The following DNAH17 variants were observed in gnomAD, a reference collection of about 807,000 sequenced individuals.
The protein encoded by DNAH17 is dynein axonemal heavy chain 17, also known as axonemal beta dynein heavy chain 17.
Under a neutral mutation model 485.6 loss-of-function variants are expected in DNAH17, and 376 were observed. The ratio of observed to expected loss-of-function variants is 0.77; its 90% confidence interval spans 0.71 to 0.84. The LOEUF (loss-of-function observed/expected upper bound fraction) is 0.84. Ranked by LOEUF, DNAH17 falls within the 40% of genes least tolerant of loss-of-function variation. The probability of loss-of-function intolerance (pLI) is 0.00; values close to 1 mark genes in which losing one functional copy is unlikely to be tolerated. For missense variants in DNAH17, 6,370 were observed against 5,839.3 expected (o/e 1.09, Z -2.96); for synonymous variants, 3,031 against 2,405.9 (o/e 1.26, Z -7.60).
Position 78,514,826 on chromosome 17 carries a change from T to C in DNAH17, c.4061A>G (p.Gln1354Arg), listed in dbSNP as rs760713712. The change falls in exon 26 of 81, where the codon CAG becomes CGG. Residue 1354 changes from glutamine to arginine, a missense_variant. Transcript: ENST00000389840. ...GTGGCGTTCCCGAATGGCAGGGTTC[T>C]GCAGCTCGCTCACGGCACGCAGGGA... is the stretch of plus-strand genomic sequence containing the variant. ...ITSLRAVSEL[Q>R]NPAIRERHWQ... The C allele has an allele frequency of 7.4e-6, 12 of 1,614,066 alleles. No homozygotes were observed. Among genetic ancestry groups the C allele is most frequent in the Non-Finnish European group, 8.5e-6 (10 of 1,179,902 alleles).
At position 78,426,852 on chromosome 17, in the gene DNAH17, G is replaced by C. The variant is rs72914891; in HGVS notation, c.12771+74C>G. On this transcript the variant is annotated intron_variant, in intron 78 of 80. Coordinates refer to ENST00000389840, the MANE Select transcript of DNAH17 (RefSeq NM_173628.4). ...GATCCGGGGCCTGTGCTAGGCCTGGGTTGCCAGAGGCCTGGGTTTCTGCTG... is the reference window on the plus strand; with the variant it reads ...GATCCGGGGCCTGTGCTAGGCCTGGCTTGCCAGAGGCCTGGGTTTCTGCTG... 246,993 of 1,528,998 alleles carry C rather than the reference G, an allele frequency of 0.16. 21,018 individuals carry two copies. The highest frequency in any genetic ancestry group is 0.21 in the Middle Eastern group (1,104 of 5,378). 94.7% of individuals were successfully genotyped at this position (1,528,998 alleles called of 1,614,324 possible).
intron 19 of DNAH17, 146 bp downstream of exon 19, chr17:78,537,153 G>T: frequency 1.0e-6 from 1 of 962,624 alleles, no homozygotes; most frequent in Non-Finnish European, 1.5e-6. Context: ...ACTCCAGCCT[G>T]GGCGACAGAG....
intron 25 of DNAH17, chr17:78,522,492 G>T: frequency 3.0e-6 from 1 of 337,750 alleles, no homozygotes; most frequent in South Asian, 2.6e-5. Flanking sequence ...AGCACAAGGA[G>T]AAAGGGGCCT....
At chr17:78,576,633 G>T (rs544536694) in intron 1 of DNAH17, among the ~76,000 whole-genome samples, 1 of 152,318 alleles carries the variant, frequency 6.6e-6, no homozygotes, top group African/African-American at 2.4e-5. Flanking sequence ...CAGGAACTCA[G>T]GGGAGCCCGA....
chr17:78,543,927 C>T lies in DNAH17; in HGVS notation c.2462G>A (p.Arg821Lys). 6.2e-7 allele frequency: 1 copy of T among 1,614,064 alleles called. No homozygotes were observed. The highest frequency in any genetic ancestry group is 1.1e-5 in the South Asian group (1 of 91,086). The change falls in exon 17 of 81, where the codon AGA (arginine) becomes AAA (lysine). Residue 821 changes from arginine to lysine, a missense_variant. By Grantham distance (26) the Arg-to-Lys change is conservative (BLOSUM62 2). Transcript: ENST00000389840. ...KKEALLDLDG[R>K]IANLNKRYAA... The stretch of plus-strand genomic sequence containing the variant: ...GTAGCGCTTGTTGAGGTTGGCAATT[C>T]TTCCATCCAAGTCTAACAGGGCCTC...
chr17:78,531,684 G>C (rs1000208306), intron 20 of DNAH17, among the ~76,000 whole-genome samples: 7 of 152,128 alleles, frequency 4.6e-5, no homozygotes, highest in African/African-American at 1.7e-4. Flanking sequence ...ATTCCTACTT[G>C]TTCTTGGTTT....
At chr17:78,465,605 G>A (rs1480571974) in intron 56 of DNAH17, among the ~76,000 whole-genome samples, 9 of 149,482 alleles carry the variant, frequency 6.0e-5, no homozygotes, top group African/African-American at 1.5e-4. Flanking sequence ...TGTGAGGAGC[G>A]CCTCTGCCCG....
chr17:78,500,676 T>C, intron 35 of DNAH17: 1 of 374,272 alleles, frequency 2.7e-6, no homozygotes, highest in South Asian at 4.8e-5. Context: ...GCCCGGCTAA[T>C]TTTTGTATTT....
chr17:78,538,473 G>C (rs1598670202), intron 18 of DNAH17, among the ~76,000 whole-genome samples: 1 of 152,206 alleles, frequency 6.6e-6, no homozygotes, highest in African/African-American at 2.4e-5. Flanking sequence ...GTCCCCATTG[G>C]ACCTGTGGGT....
chr17:78,428,976 C>A, intron 76 of DNAH17, 145 bp downstream of exon 76: 1 of 820,980 alleles, frequency 1.2e-6, no homozygotes, highest in Non-Finnish European at 1.9e-6. Context: ...GTGCTTCTTC[C>A]AAGTGAGACG....
chr17:78,504,147 C>G (rs1160995542), intron 31 of DNAH17, among the ~76,000 whole-genome samples: 1 of 151,586 alleles, frequency 6.6e-6, no homozygotes, highest in Non-Finnish European at 1.5e-5. Flanking sequence ...CTCACTGCAA[C>G]CTCTGTCTCC....
Position 78,460,217 on chromosome 17 carries a change from G to A in DNAH17, c.9380C>T (p.Ala3127Val), listed in dbSNP as rs764202586. The change falls in exon 59 of 81, where the codon GCC becomes GTC. Residue 3127 changes from alanine (A) to valine (V), a missense_variant. Ala to Val is a moderately conservative substitution (Grantham distance 64). Coordinates refer to ENST00000389840, the MANE Select transcript of DNAH17 (RefSeq NM_173628.4). The stretch of plus-strand genomic sequence containing the variant: ...TGCCAGCAGGGCCGGTTCTGCTTTG[G>A]CCAGGTCTGTTTCACAGGCCTTTTG... ...EKQKACETDL[A>V]KAEPALLAAQ... 6.2e-7 allele frequency: 1 copy of A among 1,607,592 alleles called. No homozygotes were observed. The highest frequency in any genetic ancestry group is 8.5e-7 in the Non-Finnish European group (1 of 1,176,638).
Position 78,552,420 on chromosome 17 carries a change from C to A in DNAH17, c.2287+277G>T, listed in dbSNP as rs113823825. Among the ~76,000 whole-genome samples the A allele has an allele frequency of 2.2e-3, 334 of 152,250 alleles. 2 individuals carry two copies. The highest frequency in any genetic ancestry group is 7.5e-3 in the African/African-American group (313 of 41,540). The stretch of plus-strand genomic sequence containing the variant: ...TGATAAACCAACAGTGGAAACTGGG[C>A]CTCCAGCAAGCCCAGTTTGGGAAAC... On this transcript the variant is annotated intron_variant, in intron 15 of 80. Coordinates refer to ENST00000389840, the MANE Select transcript of DNAH17 (RefSeq NM_173628.4).
intron 16 of DNAH17, among the ~76,000 whole-genome samples, chr17:78,545,548 A>T (rs778181814): frequency 6.6e-6 from 1 of 152,110 alleles, no homozygotes; most frequent in African/African-American, 2.4e-5. Context: ...GTCTGTTGCT[A>T]TAAGGGCACG....
chr17:78,500,197 G>A, intron 36 of DNAH17, 108 bp downstream of exon 36: 1 of 1,263,898 alleles, frequency 7.9e-7, no homozygotes, highest in Non-Finnish European at 1.1e-6. Flanking sequence ...GCCATTCACA[G>A]GTATCCAGAG....
In DNAH17 at chr17:78,525,181, C is replaced by T. The variant is rs966244766; in HGVS notation, c.3712-20G>A. 5.8e-5 allele frequency: 94 copies of T among 1,608,494 alleles called. No individual in the cohort carries two copies. Among genetic ancestry groups the T allele is most frequent in the African/African-American group, 1.6e-4 (12 of 75,016 alleles). ...TTGTTGCTAGGGGCGGCGAGGGGGC[C>T]GTCAGTAGGGCTACCTACCCTCAGC... is the stretch of plus-strand genomic sequence containing the variant. On this transcript the variant is annotated intron_variant, in intron 24 of 80. Transcript: ENST00000389840.
At chr17:78,472,921 A>T (rs2088831906) in intron 54 of DNAH17, 2 of 304,432 alleles carry the variant, frequency 6.6e-6, no homozygotes, top group Non-Finnish European at 1.3e-5. Context: ...CTATCCCCTG[A>T]TCAGACATCT....
intron 63 of DNAH17, among the ~76,000 whole-genome samples, chr17:78,455,006 T>G (rs542122986): frequency 4.6e-5 from 7 of 151,840 alleles, no homozygotes; most frequent in Non-Finnish European, 8.8e-5. Flanking sequence ...GTCTCTCGAG[T>G]TCAAGAGATT....
chr17:78,480,548 C>G, intron 49 of DNAH17, 136 bp downstream of exon 49: 3 of 662,612 alleles, frequency 4.5e-6, no homozygotes, highest in Non-Finnish European at 7.3e-6. Context: ...CTGACACATT[C>G]TGCAAAGTTA....
Sources: gnomAD v4.1 joint callset for allele counts (sites outside exome capture counted in the v4.1 genomes callset) on GRCh38, gnomAD v4.1.1 for gene constraint, MANE v1.5 for transcripts, NCBI Gene and HGNC (gene_info 2026-07-23, HGNC 2026-07-21) for gene names.